ZNF385D: variants seen among roughly 807,000 people sequenced by gnomAD.
ZNF385D encodes zinc finger protein 385D.
ZNF385D carries 15 observed loss-of-function variants against 35.8 expected under a neutral mutation model. The observed-to-expected ratio is 0.42, with a 90% CI of 0.28 to 0.64. The LOEUF is 0.64. Ranked by LOEUF, ZNF385D falls within the 30% of genes least tolerant of loss-of-function variation. ZNF385D has a pLI of 0.23. For synonymous variants in ZNF385D, 212 were observed against 186.8 expected, an observed-to-expected ratio of 1.13 and a Z score of -1.10; for missense variants, 474 against 494.6, an observed-to-expected ratio of 0.96 and a Z score of 0.39.
At chr3:21,460,426 T>C (rs1400175087) in intron 4 of ZNF385D, among the ~76,000 whole-genome samples, 1 of 152,210 alleles carries the variant, frequency 6.6e-6, no homozygotes, top group Non-Finnish European at 1.5e-5. Flanking sequence ...TCATTTAACT[T>C]TGATTATGCT....
chr3:21,842,232 G>A (rs1001784291), intron 3 of ZNF385D, among the ~76,000 whole-genome samples: 1 of 151,832 alleles, frequency 6.6e-6, no homozygotes, highest in African/African-American at 2.4e-5. Context: ...CTGAATCCCA[G>A]GCTGATAGAG....
chr3:21,914,787 A>C (rs1461840287), intron 3 of ZNF385D, among the ~76,000 whole-genome samples: 1 of 152,030 alleles, frequency 6.6e-6, no homozygotes, highest in African/African-American at 2.4e-5. Flanking sequence ...ATTTTTATTA[A>C]AAAGCCACTT....
intron 3 of ZNF385D, among the ~76,000 whole-genome samples, chr3:22,026,059 G>T (rs1697528119): frequency 6.6e-6 from 1 of 152,102 alleles, no homozygotes; most frequent in African/African-American, 2.4e-5. Flanking sequence ...TAGAGCTCTG[G>T]CATTGTCTAA....
chr3:22,214,286 T>G (rs1697713393), intron 2 of ZNF385D, among the ~76,000 whole-genome samples: 1 of 152,118 alleles, frequency 6.6e-6, no homozygotes. Flanking sequence ...TTTAATCTTT[T>G]AGTCTTATTA....
intron 3 of ZNF385D, among the ~76,000 whole-genome samples, chr3:22,094,083 T>C (rs987304830): frequency 1.3e-4 from 20 of 152,102 alleles, no homozygotes; most frequent in African/African-American, 4.6e-4. Flanking sequence ...TAAAAGGCTA[T>C]TGCTGTTGAA....
intron 3 of ZNF385D, among the ~76,000 whole-genome samples, chr3:21,801,157 C>T (rs1247481609): frequency 1.3e-5 from 2 of 152,108 alleles, no homozygotes; most frequent in Non-Finnish European, 2.9e-5. Context: ...ATCACTCTTA[C>T]ATTTCTGGAA....
chr3:21,980,498 A>G (rs1030268853), intron 3 of ZNF385D, among the ~76,000 whole-genome samples: 3 of 152,040 alleles, frequency 2.0e-5, no homozygotes, highest in Non-Finnish European at 2.9e-5. Context: ...AAACACAACA[A>G]CTCTTGGAAT....
At chr3:21,924,988 G>A (rs1700652833) in intron 3 of ZNF385D, among the ~76,000 whole-genome samples, 1 of 151,904 alleles carries the variant, frequency 6.6e-6, no homozygotes, top group South Asian at 2.1e-4. Flanking sequence ...ACTAAAAACT[G>A]CAAAACAATG....
Position 22,259,828 on chromosome 3 carries a change from T to C in ZNF385D, c.107-90793A>G, listed in dbSNP as rs186563512. 1.2e-4 allele frequency among the ~76,000 whole-genome samples: 17 copies of C among 147,382 alleles called. No individual in the cohort carries two copies. In the East Asian group the frequency reaches 2.2e-3, roughly 19 times the overall value. ...TCCACCATCACTCCAAATGCCAACA[T>C]AGTGAGGAAAAAAAAAAACTAATAC... On this transcript the variant is annotated intron_variant, in intron 2 of 5. Coordinates refer to the ZNF385D transcript ENST00000494108.
At chr3:21,893,668 G>C (rs1698993810) in intron 3 of ZNF385D, among the ~76,000 whole-genome samples, 1 of 152,126 alleles carries the variant, frequency 6.6e-6, no homozygotes, top group South Asian at 2.1e-4. Flanking sequence ...AGTACCAACA[G>C]TATTCTGAAG....
At chr3:21,816,463 T>A (rs9834292) in intron 3 of ZNF385D, among the ~76,000 whole-genome samples, 144,807 of 152,296 alleles carry the variant, frequency 0.95, 68,854 homozygotes, top group East Asian at 0.98. Context: ...CCTTAAGCTG[T>A]TAAGCAACTT....
intron 4 of ZNF385D, among the ~76,000 whole-genome samples, chr3:21,495,596 A>G (rs190171): frequency 0.78 from 118,795 of 151,986 alleles, 46,561 homozygotes; most frequent in East Asian, 0.88. Context: ...ATTGAAAAGT[A>G]AAGAAGATAT....
chr3:22,366,306 C>T (rs1696654315), intron 2 of ZNF385D, among the ~76,000 whole-genome samples: 1 of 152,102 alleles, frequency 6.6e-6, no homozygotes, highest in Admixed American at 6.6e-5. Context: ...ATTATTTATA[C>T]ACTGGTCTTT....
chr3:21,970,956 C>G (rs1585862), intron 3 of ZNF385D, among the ~76,000 whole-genome samples: 37,825 of 151,764 alleles, frequency 0.25, 5,163 homozygotes, highest in East Asian at 0.32. Context: ...TCTTAGAGTA[C>G]TATATCCAGT....
chr3:21,605,864 A>G (rs2064463398), intron 2 of ZNF385D, among the ~76,000 whole-genome samples: 1 of 152,152 alleles, frequency 6.6e-6, no homozygotes, highest in Non-Finnish European at 1.5e-5. Context: ...TACTTCATAA[A>G]ACAGCCCACC....
At chr3:22,300,629 G>A (rs935141726) in intron 2 of ZNF385D, among the ~76,000 whole-genome samples, 1 of 151,776 alleles carries the variant, frequency 6.6e-6, no homozygotes, top group Non-Finnish European at 1.5e-5. Context: ...ATGGGTAAAG[G>A]ATAGAAATAG....
At chr3:22,333,694 G>A (rs1695038610) in intron 2 of ZNF385D, among the ~76,000 whole-genome samples, 1 of 151,764 alleles carries the variant, frequency 6.6e-6, no homozygotes, top group Admixed American at 6.6e-5. Context: ...CTTCCTCATT[G>A]GAGAATTTTT....
intron 3 of ZNF385D, among the ~76,000 whole-genome samples, chr3:22,038,778 T>C (rs899131946): frequency 1.3e-5 from 2 of 151,858 alleles, no homozygotes; most frequent in African/African-American, 4.8e-5. Flanking sequence ...GGAAAAAATA[T>C]ATACCCTAGC....
chr3:21,979,129 TAC>T (rs1309641562), intron 3 of ZNF385D, among the ~76,000 whole-genome samples: 5 of 152,052 alleles, frequency 3.3e-5, no homozygotes, highest in African/African-American at 1.2e-4. Flanking sequence ...GACCAAATGA[TAC>T]ACAGTTAATA....
Sources: allele counts gnomAD v4.1 joint callset (sites outside exome capture counted in the v4.1 genomes callset), GRCh38; gene constraint gnomAD v4.1.1; transcripts MANE v1.5; gene names NCBI Gene and HGNC (gene_info 2026-07-23, HGNC 2026-07-21).